Variants in ANXA4 observed in about 807,000 individuals in gnomAD.
The protein encoded by ANXA4 is annexin A4.
Under a neutral mutation model 49.8 loss-of-function variants are expected in ANXA4, and 39 were observed. The observed-to-expected ratio is 0.78, with a 90% CI of 0.61 to 1.02. ANXA4 has a LOEUF of 1.02. Ranked by LOEUF, ANXA4 falls within the 50% of genes least tolerant of loss-of-function variation. ANXA4 has a pLI of 0.00. For missense variants in ANXA4, 360 were observed against 410.1 expected (o/e 0.88, Z 1.05); for synonymous variants, 134 against 152.5 (o/e 0.88, Z 0.89).
chr2:69,668,652 A>G (rs1677034121), intron 2 of ANXA4, among the ~76,000 whole-genome samples: 1 of 152,180 alleles, frequency 6.6e-6, no homozygotes, highest in Non-Finnish European at 1.5e-5. Context: ...ATCTTGATGA[A>G]GTTAGGTTTC....
At chr2:69,825,410 T>A (rs1255638097) in intron 12 of ANXA4, 46 bp from the exon 13 acceptor site, 2 of 1,530,932 alleles carry the variant, frequency 1.3e-6, no homozygotes, top group Non-Finnish European at 8.9e-7. Flanking sequence ...AACTGTGTGT[T>A]TCATTTTAAA....
chr2:69,786,538 T>C (rs555123866), intron 2 of ANXA4, among the ~76,000 whole-genome samples: 1 of 152,348 alleles, frequency 6.6e-6, no homozygotes, highest in African/African-American at 2.4e-5. Context: ...CCTTACCTGG[T>C]TTGAAGGGCT....
At chr2:69,697,885 C>T (rs894223719) in intron 2 of ANXA4, among the ~76,000 whole-genome samples, 6 of 150,932 alleles carry the variant, frequency 4.0e-5, no homozygotes, top group African/African-American at 1.5e-4. Context: ...TGGTTCATTC[C>T]TATAACCTGA....
At chr2:69,726,927 G>A (rs1188477697) in intron 3 of ANXA4, among the ~76,000 whole-genome samples, 4 of 152,182 alleles carry the variant, frequency 2.6e-5, no homozygotes, top group Non-Finnish European at 4.4e-5. Flanking sequence ...CTGTCGCCCA[G>A]GCTGGAGTGC....
At chr2:69,757,844 A>G (rs1273948377) in intron 1 of ANXA4, among the ~76,000 whole-genome samples, 2 of 151,552 alleles carry the variant, frequency 1.3e-5, no homozygotes, top group Admixed American at 1.3e-4. Flanking sequence ...CTATAGTCCC[A>G]GCTACTTGGG....
In ANXA4 at chr2:69,674,232, C is replaced by T. The variant is rs559888811; in HGVS notation, n.766+20950C>T. 8 of 152,294 alleles carry T rather than the reference C, an allele frequency of 5.3e-5. No individual in the cohort carries two copies. In the South Asian group the frequency reaches 1.0e-3, roughly 20 times the overall value. The allele number at this position is 152,294 out of a possible 1,614,324, so 9.4% of individuals were successfully genotyped here. ...ATGACATTCCTTAGGCAACCTGGCC[C>T]GTTTGCAGGAAGCTGACAGCAGGTA... is the stretch of plus-strand genomic sequence containing the variant. On this transcript the variant is annotated intron_variant and non_coding_transcript_variant, in intron 2 of 3. Transcript: ENST00000418066.
At chr2:69,754,947 G>A (rs772837564) in intron 1 of ANXA4, among the ~76,000 whole-genome samples, 3 of 152,140 alleles carry the variant, frequency 2.0e-5, no homozygotes, top group Admixed American at 1.3e-4. Context: ...TTCCCTCCAG[G>A]CCTGGTTCAT....
intron 1 of ANXA4, among the ~76,000 whole-genome samples, chr2:69,768,497 A>G (rs1342505617): frequency 6.6e-6 from 1 of 152,152 alleles, no homozygotes; most frequent in African/African-American, 2.4e-5. Context: ...ATTTTTTTAA[A>G]TGGCAGGTTA....
intron 2 of ANXA4, among the ~76,000 whole-genome samples, chr2:69,658,726 G>A (rs1026561020): frequency 6.6e-6 from 1 of 151,524 alleles, no homozygotes; most frequent in African/African-American, 2.4e-5. Context: ...ACTGAGTCTC[G>A]CTCTGTCGCC....
At chr2:69,800,260 A>C (rs1213195207) in intron 3 of ANXA4, among the ~76,000 whole-genome samples, 1 of 151,474 alleles carries the variant, frequency 6.6e-6, no homozygotes, top group African/African-American at 2.4e-5. Context: ...AGAAAGGCAT[A>C]GGACCCACCT....
intron 2 of ANXA4, among the ~76,000 whole-genome samples, chr2:69,689,955 T>C (rs987024155): frequency 6.6e-6 from 1 of 152,160 alleles, no homozygotes; most frequent in Non-Finnish European, 1.5e-5. Flanking sequence ...TTTTCATATA[T>C]CAAATTCTCT....
chr2:69,652,286 G>A (rs569758641), intron 1 of ANXA4, among the ~76,000 whole-genome samples: 5 of 152,296 alleles, frequency 3.3e-5, no homozygotes, highest in African/African-American at 1.2e-4. Flanking sequence ...GATTACAGGC[G>A]TGAGCTACCA....
chr2:69,751,821 T>G (rs929789762), intron 1 of ANXA4, among the ~76,000 whole-genome samples: 3 of 152,128 alleles, frequency 2.0e-5, no homozygotes, highest in Non-Finnish European at 4.4e-5. Flanking sequence ...GCGTAGGGTC[T>G]TCAAGAGGTA....
At chr2:69,743,535 T>C (rs1670490295) in intron 1 of ANXA4, among the ~76,000 whole-genome samples, 1 of 152,112 alleles carries the variant, frequency 6.6e-6, no homozygotes, top group Non-Finnish European at 1.5e-5. Flanking sequence ...CCTAGGTTTT[T>C]AGTTGCCAGG....
At chr2:69,784,284 A>G (rs1186168792) in intron 2 of ANXA4, among the ~76,000 whole-genome samples, 2 of 151,822 alleles carry the variant, frequency 1.3e-5, no homozygotes, top group Non-Finnish European at 2.9e-5. Context: ...TAAGAATGCT[A>G]ACTGATAAAC....
At chr2:69,792,675 C>T (rs1573266069) in intron 3 of ANXA4, among the ~76,000 whole-genome samples, 1 of 152,030 alleles carries the variant, frequency 6.6e-6, no homozygotes, top group African/African-American at 2.4e-5. Context: ...GCAAAATATA[C>T]ATTTCCATGC....
intron 11 of ANXA4, among the ~76,000 whole-genome samples, chr2:69,820,289 T>C (rs1573320730): frequency 6.6e-6 from 1 of 151,510 alleles, no homozygotes; most frequent in Non-Finnish European, 1.5e-5. Context: ...GCAAAGAATA[T>C]ATAAACAGTT....
intron 2 of ANXA4, among the ~76,000 whole-genome samples, chr2:69,658,361 C>T (rs867056258): frequency 1.2e-4 from 18 of 148,706 alleles, no homozygotes; most frequent in Admixed American, 4.7e-4. Flanking sequence ...GATCACCCCA[C>T]TGCACTCCAG....
chr2:69,687,786 G>A (rs1169896317), intron 2 of ANXA4, among the ~76,000 whole-genome samples: 3 of 152,060 alleles, frequency 2.0e-5, no homozygotes, highest in African/African-American at 7.2e-5. Flanking sequence ...GGGCTGCCGC[G>A]CCCAGCTTAC....
Sources: gnomAD v4.1 joint callset for allele counts (sites outside exome capture counted in the v4.1 genomes callset) on GRCh38, gnomAD v4.1.1 for gene constraint, MANE v1.5 for transcripts, NCBI Gene and HGNC (gene_info 2026-07-23, HGNC 2026-07-21) for gene names.